The following GRAMD1A variants were observed in gnomAD, a reference collection of about 807,000 sequenced individuals.
GRAMD1A encodes the protein GRAM domain containing 1A.
In GRAMD1A, 50 loss-of-function variants were observed where a neutral mutation model predicts 92.0. The observed-to-expected ratio is 0.54, with a 90% CI of 0.43 to 0.69. The LOEUF (loss-of-function observed/expected upper bound fraction) is 0.69, where lower values mean the gene tolerates loss of function less well. Ranked by LOEUF, GRAMD1A falls within the 30% of genes least tolerant of loss-of-function variation. The probability of loss-of-function intolerance (pLI) is 0.00; values close to 1 mark genes in which losing one functional copy is unlikely to be tolerated. For synonymous variants in GRAMD1A, 405 were observed against 403.6 expected (o/e 1.00, Z -0.04); for missense variants, 819 against 978.9 (o/e 0.84, Z 2.18).
chr19:35,006,540 A>C (rs1188115494), intron 1 of GRAMD1A, among the ~76,000 whole-genome samples: 1 of 152,196 alleles, frequency 6.6e-6, no homozygotes, highest in Admixed American at 6.5e-5. Flanking sequence ...CCATCCCCAC[A>C]GTCCTTATTA....
rs1403435117 is a variant in GRAMD1A, at chr19:35,016,257, T to TC, written c.1213+292dup. On this transcript the variant is annotated intron_variant, in intron 11 of 19. Transcript: ENST00000317991. ...CTAAGTGAGTTCATACTAGAAAAGT[T>TC]CCTAGAGCAATACCATATAGTAAGC... Among the ~76,000 whole-genome samples, 13 of 152,254 alleles carry TC rather than the reference T, an allele frequency of 8.5e-5. No individual in the cohort carries two copies. In the South Asian group the frequency reaches 1.7e-3, roughly 19 times the overall value.
chr19:35,003,169 T>TG (rs1421889844), intron 1 of GRAMD1A, among the ~76,000 whole-genome samples: 2 of 136,314 alleles, frequency 1.5e-5, no homozygotes, highest in African/African-American at 5.3e-5. Flanking sequence ...TGTGTGTGTG[T>TG]GTGTGTGTGC....
At chr19:35,024,341 C>T (rs2016290593) in intron 19 of GRAMD1A, among the ~76,000 whole-genome samples, 2 of 152,166 alleles carry the variant, frequency 1.3e-5, no homozygotes, top group African/African-American at 2.4e-5. Flanking sequence ...AGGGACAAAG[C>T]AGATGCCCAA....
intron 19 of GRAMD1A, among the ~76,000 whole-genome samples, chr19:35,024,599 C>T (rs939293143): frequency 3.3e-5 from 5 of 152,012 alleles, no homozygotes; most frequent in South Asian, 2.1e-4. Flanking sequence ...TTGTGGGTGA[C>T]GGTGAAAATC....
chr19:35,009,280 C>T lies in GRAMD1A; in HGVS notation c.170C>T (p.Thr57Ile), dbSNP rs1488335193. Residue 57 changes from threonine (T) to isoleucine (I), a missense_variant, in exon 2 of 20, where the codon ACC becomes ATC. Transcript: ENST00000317991. ...SSSEKGGVPG[T>I]PSTQSLGSRN... The stretch of plus-strand genomic sequence containing the variant: ...TCAGAGAAGGGTGGGGTGCCTGGGA[C>T]CCCCAGCACCCAGAGCCTAGGCAGC... 3 of 1,613,716 alleles carry T rather than the reference C, an allele frequency of 1.9e-6. No individual in the cohort carries two copies. Among genetic ancestry groups the T allele is most frequent in the Non-Finnish European group, 1.7e-6 (2 of 1,179,646 alleles).
chr19:35,019,486 C>T lies in GRAMD1A; in HGVS notation c.1428C>T (p.Ala476=), dbSNP rs1568335763. Residue 476 remains alanine (A), a synonymous_variant, in exon 13 of 20, where the codon GCC becomes GCT. Transcript: ENST00000317991. ...GIPYQDYFYT[A]HRYCILGLAR... Reference sequence around the variant, plus strand: ...CCTACCAGGACTACTTCTACACTGCCCACCGCTACTGCATCCTGGGTCTGG... The same window carrying T: ...CCTACCAGGACTACTTCTACACTGCTCACCGCTACTGCATCCTGGGTCTGG... 6.2e-7 allele frequency: 1 copy of T among 1,613,992 alleles called. No individual in the cohort carries two copies.
At chr19:35,006,380 G>A (rs1187428821) in intron 1 of GRAMD1A, among the ~76,000 whole-genome samples, 2 of 152,188 alleles carry the variant, frequency 1.3e-5, no homozygotes, top group African/African-American at 2.4e-5. Context: ...GTGGTTTGCC[G>A]CTTTGAGCTA....
At chr19:35,022,649 A>G (rs57030435) in intron 16 of GRAMD1A, among the ~76,000 whole-genome samples, 23,722 of 146,428 alleles carry the variant, frequency 0.16, 2,106 homozygotes, top group African/African-American at 0.2. Context: ...TCCTGCCCAG[A>G]AGCCTGCAGG....
intron 1 of GRAMD1A, chr19:35,005,925 C>CT (rs1568318641): frequency 6.6e-6 from 3 of 456,208 alleles, no homozygotes; most frequent in South Asian, 4.6e-5. Context: ...TATGTTAAGG[C>CT]TTGGAGGTAA....
chr19:34,996,890 C>T (rs368864902), upstream of GRAMD1A, among the ~76,000 whole-genome samples: 2 of 151,664 alleles, frequency 1.3e-5, no homozygotes, highest in East Asian at 1.9e-4. Flanking sequence ...ATTTAAGGGC[C>T]ATAAAACTAA....
Position 35,023,614 on chromosome 19 carries a change from C to T in GRAMD1A, c.2082+67C>T, listed in dbSNP as rs1453473951. 1.7e-5 allele frequency: 25 copies of T among 1,438,116 alleles called. No homozygotes were observed. The East Asian group carries it at 4.9e-4, about 28-fold the overall frequency. The allele number at this position is 1,438,116 out of a possible 1,614,324, so 89.1% of individuals were successfully genotyped here. A position where few individuals can be genotyped will look rare whatever the true frequency, so the allele number is the denominator to read the frequency against. On this transcript the variant is annotated intron_variant, in intron 19 of 19. Coordinates refer to ENST00000317991, the MANE Select transcript of GRAMD1A (RefSeq NM_020895.5). Reference sequence around the variant, plus strand: ...GCAGGGTCCTGTGTTGAAACCCCACCGTGCGGCAGGCACTTCCCCTCTCCG... The same window carrying T: ...GCAGGGTCCTGTGTTGAAACCCCACTGTGCGGCAGGCACTTCCCCTCTCCG...
In GRAMD1A at chr19:35,009,347, T is replaced by A. The variant is rs976183930; in HGVS notation, c.219+18T>A. ...ACAGCAAGGTTGGTGCAAGCCCAGG[T>A]GGGGTGGGGAGAGGGCTAGTGGGGG... On this transcript the variant is annotated intron_variant, in intron 2 of 19. Transcript: ENST00000317991. The A allele has an allele frequency of 1.9e-6, 3 of 1,613,114 alleles. No individual in the cohort carries two copies. The highest frequency in any genetic ancestry group is 2.5e-6 in the Non-Finnish European group (3 of 1,179,360).
chr19:35,013,612 A>G lies in GRAMD1A; in HGVS notation c.791A>G (p.Gln264Arg). 6.2e-7 allele frequency: 1 copy of G among 1,613,724 alleles called. No homozygotes were observed. The change falls in exon 9 of 20, where the codon CAG becomes CGG. Residue 264 changes from glutamine (Q) to arginine (R), a missense_variant. Transcript: ENST00000317991. The surrounding 1 kb of genome is among the most constrained non-coding windows in gnomAD (Gnocchi z 4.9). ...TCCTCGGGGGCAGCTGACCGCAGCCAGGAGCCAAGCCCAGTGGGTTCGCGC... is the reference window on the plus strand; with the variant it reads ...TCCTCGGGGGCAGCTGACCGCAGCCGGGAGCCAAGCCCAGTGGGTTCGCGC... ...ITSSGAADRSQEPSPVGSRRG... is the reference protein window; with the variant it reads ...ITSSGAADRSREPSPVGSRRG...
chr19:35,014,297 G>A lies in GRAMD1A; in HGVS notation c.979G>A (p.Gly327Arg), dbSNP rs2015467724. The change falls in exon 10 of 20, where the codon GGG (glycine) becomes AGG (arginine). Residue 327 changes from glycine to arginine, a missense_variant. This residue lies in a region of GRAMD1A where 577 missense variants were observed against 674.6 expected (regional missense o/e 0.86). Coordinates refer to ENST00000317991, the MANE Select transcript of GRAMD1A (RefSeq NM_020895.5). ...PPSTEPTQPD[G>R]PTTLGPLDLL... is the part of the protein sequence containing the mutation. ...GAGCACAGAGCCCACCCAGCCTGAC[G>A]GGCCCACCACCCTGGGCCCCTTGGA... 12 of 1,614,132 alleles carry A rather than the reference G, an allele frequency of 7.4e-6. No individual in the cohort carries two copies. The highest frequency in any genetic ancestry group is 4.4e-5 in the South Asian group (4 of 91,086).
At chr19:35,025,522 G>A (rs1050963972) in intron 19 of GRAMD1A, among the ~76,000 whole-genome samples, 10 of 152,160 alleles carry the variant, frequency 6.6e-5, no homozygotes, top group South Asian at 2.1e-4. Flanking sequence ...GAGATTACAC[G>A]CATGAGGCAC....
At chr19:35,008,765 C>T (rs1431537123) in intron 1 of GRAMD1A, among the ~76,000 whole-genome samples, 1 of 152,064 alleles carries the variant, frequency 6.6e-6, no homozygotes, top group African/African-American at 2.4e-5. Flanking sequence ...TGCAGTGAGC[C>T]GAGATCATGC....
At position 35,006,054 on chromosome 19, in the gene GRAMD1A, A is replaced by T. The variant is rs549339346; in HGVS notation, c.9-3065A>T. 8.9e-6 allele frequency: 4 copies of T among 448,654 alleles called. No homozygotes were observed. The East Asian group carries it at 2.8e-4, about 31-fold the overall frequency. The allele number at this position is 448,654 out of a possible 1,614,324, so 27.8% of individuals were successfully genotyped here. ...ATAAACCAAGCCCATGGCCAGGTGC[A>T]GTGGCTCACAGCTGTAATCTCCTAG... On this transcript the variant is annotated intron_variant, in intron 1 of 19. Transcript: ENST00000317991.
chr19:35,006,736 G>A (rs774370906), intron 1 of GRAMD1A, among the ~76,000 whole-genome samples: 2 of 152,222 alleles, frequency 1.3e-5, no homozygotes, highest in Non-Finnish European at 2.9e-5. Context: ...TGTGCCTAGA[G>A]TTTTGGGCTC....
chr19:35,009,861 A>T (rs375560829), intron 3 of GRAMD1A, 27 bp from the exon 4 acceptor site: 1 of 1,385,208 alleles, frequency 7.2e-7, no homozygotes, highest in Non-Finnish European at 1.0e-6. Context: ...ACCCCCATCC[A>T]GGTTCTCACC....
Sources: gnomAD v4.1 joint callset for allele counts (sites outside exome capture counted in the v4.1 genomes callset) on GRCh38, gnomAD v4.1.1 for gene constraint, gnomAD v4.1.1 regional missense constraint, Gnocchi (gnomAD v3.1) non-coding constraint, MANE v1.5 for transcripts, NCBI Gene and HGNC (gene_info 2026-07-23, HGNC 2026-07-21) for gene names.